The following PPP6R2 variants were observed in gnomAD, a reference collection of about 807,000 sequenced individuals.
PPP6R2 encodes protein phosphatase 6 regulatory subunit 2, also known as serine/threonine-protein phosphatase 6 regulatory subunit 2.
A neutral mutation model predicts 100.2 loss-of-function variants in PPP6R2; 62 were observed. That is an observed-to-expected ratio of 0.62 (90% confidence interval 0.50 to 0.76). The LOEUF is 0.76. Among genes scored for constraint, PPP6R2 ranks in the 30% least tolerant of loss-of-function variants. The pLI is 0.00. For synonymous variants in PPP6R2, 525 were observed against 514.7 expected (o/e 1.02, Z -0.27); for missense variants, 1,142 against 1,276.3 (o/e 0.89, Z 1.60).
intron 1 of PPP6R2, among the ~76,000 whole-genome samples, chr22:50,346,989 C>T (rs2043923529): frequency 1.3e-5 from 2 of 151,368 alleles, no homozygotes. Context: ...AATGTCCCCA[C>T]CTGTCATTGA....
the PPP6R2 span, among the ~76,000 whole-genome samples, chr22:50,332,882 C>CG: frequency 4.6e-5 from 7 of 151,900 alleles, no homozygotes; most frequent in Admixed American, 4.6e-4. Context: ...TCTGCCTCCC[C>CG]ATGGGCTGGG....
intron 2 of PPP6R2, among the ~76,000 whole-genome samples, chr22:50,378,592 A>G (rs1326306104): frequency 6.6e-6 from 1 of 152,036 alleles, no homozygotes; most frequent in Non-Finnish European, 1.5e-5. Context: ...GAAAAAAAAA[A>G]ATTATCTACT....
intron 1 of PPP6R2, among the ~76,000 whole-genome samples, chr22:50,349,143 C>T (rs939288166): frequency 2.8e-5 from 4 of 145,354 alleles, no homozygotes; most frequent in Non-Finnish European, 4.5e-5. Flanking sequence ...TGCAGTGTGC[C>T]GAGATTGTGC....
chr22:50,336,537 A>G, the PPP6R2 span, among the ~76,000 whole-genome samples: 1 of 152,094 alleles, frequency 6.6e-6, no homozygotes, highest in South Asian at 2.1e-4. Context: ...CACCATGCCC[A>G]GCTAATTTTT....
intron 4 of PPP6R2, among the ~76,000 whole-genome samples, chr22:50,413,187 G>A (rs2060016968): frequency 6.7e-6 from 1 of 148,568 alleles, no homozygotes; most frequent in African/African-American, 2.5e-5. Context: ...CCTCAGTCTG[G>A]TCTGACCTCA....
chr22:50,430,768 G>A (rs1276120355), intron 10 of PPP6R2, among the ~76,000 whole-genome samples: 2 of 151,924 alleles, frequency 1.3e-5, no homozygotes, highest in Non-Finnish European at 2.9e-5. Context: ...CAGCTACCAG[G>A]GAGGCTGAGG....
chr22:50,443,702 G>A, intron 22 of PPP6R2, 164 bp from the exon 23 acceptor site: 1 of 988,750 alleles, frequency 1.0e-6, no homozygotes, highest in Non-Finnish European at 1.4e-6. Context: ...GAGCTGCCTA[G>A]CTGGGCACAA....
At position 50,436,892 on chromosome 22, in the gene PPP6R2, G is replaced by A. The variant is rs577534455; in HGVS notation, c.1603-96G>A. 2.1e-5 allele frequency: 21 copies of A among 980,144 alleles called. No homozygotes were observed. In the South Asian group the frequency reaches 2.9e-4, roughly 14 times the overall value. The allele number at this position is 980,144 out of a possible 1,614,324, so 60.7% of individuals were successfully genotyped here. On this transcript the variant is annotated intron_variant, in intron 14 of 23. Coordinates refer to ENST00000612753, the MANE Select transcript of PPP6R2 (RefSeq NM_001242898.2). ...GAGTGATGTGCTGGGTGGGGTCTGG[G>A]AGCCCTGGGCTGGGCATGGTCCTGG...
In PPP6R2 at chr22:50,435,009, C is replaced by A; in HGVS notation, c.1444C>A (p.Arg482=). 1.2e-6 allele frequency: 2 copies of A among 1,605,270 alleles called. No individual in the cohort carries two copies. The highest frequency in any genetic ancestry group is 1.1e-5 in the South Asian group (1 of 90,624). Residue 482 remains arginine (R), a synonymous_variant, in exon 13 of 24, where the codon CGG becomes AGG. Coordinates refer to ENST00000612753, the MANE Select transcript of PPP6R2 (RefSeq NM_001242898.2). ...MRRGNMGHLT[R]IANAVVQNLE... ...ACGTGGGAACATGGGCCACCTCACA[C>A]GGATCGCCAACGCGGTGGTGCAGAA... is the stretch of plus-strand genomic sequence containing the variant.
chr22:50,337,107 AGAGTGT>A, the PPP6R2 span, among the ~76,000 whole-genome samples: 2 of 103,760 alleles, frequency 1.9e-5, no homozygotes, highest in East Asian at 3.4e-4. Flanking sequence ...GGTGATGAAG[AGAGTGT>A]GTGTGTGTGT....
intron 10 of PPP6R2, among the ~76,000 whole-genome samples, chr22:50,428,649 C>A (rs552862468): frequency 1.2e-4 from 18 of 151,854 alleles, no homozygotes; most frequent in African/African-American, 4.4e-4. Flanking sequence ...TCTGGGAGGT[C>A]AGGGCTGCAG....
At chr22:50,334,693 C>T in the PPP6R2 span, among the ~76,000 whole-genome samples, 2 of 152,008 alleles carry the variant, frequency 1.3e-5, no homozygotes, top group African/African-American at 4.8e-5. Context: ...AAGCCAGGTG[C>T]GGTGGCTCAC....
chr22:50,426,909 C>T (rs5770813), intron 10 of PPP6R2, among the ~76,000 whole-genome samples: 56,841 of 150,086 alleles, frequency 0.38, 11,140 homozygotes, highest in East Asian at 0.67. Flanking sequence ...AGCTGGCCGG[C>T]CGGGCGCAGT....
At chr22:50,338,387 CTG>C (rs895177562), upstream of PPP6R2, among the ~76,000 whole-genome samples, 1 of 91,866 alleles carries the variant, frequency 1.1e-5, no homozygotes, top group African/African-American at 4.8e-5. Context: ...TATATAGTGT[CTG>C]TGGTATGTGG....
intron 3 of PPP6R2, among the ~76,000 whole-genome samples, chr22:50,403,936 C>T (rs925570211): frequency 1.3e-5 from 2 of 152,124 alleles, no homozygotes; most frequent in East Asian, 1.9e-4. Flanking sequence ...CAGCCGGTCG[C>T]GTGGACCACC....
chr22:50,438,675 T>G lies in PPP6R2; in HGVS notation c.2041T>G (p.Leu681Val). The change falls in exon 19 of 24, where the codon TTG (leucine) becomes GTG (valine). Residue 681 changes from leucine (L) to valine (V), a missense_variant. Leu to Val is a conservative substitution (Grantham distance 32). Around this residue, in one of 2 missense-constraint regions of PPP6R2, gnomAD observed 550 missense variants for 517.4 expected, o/e 1.06. Transcript: ENST00000612753. ...ERGGQDGKAS[L>V]EAHRDAPGAG... ...TGGAGGCCAGGATGGGAAGGCGAGC[T>G]TGGAAGCACACAGAGATGCACCTGG... The G allele has an allele frequency of 6.2e-7, 1 of 1,613,800 alleles. No homozygotes were observed. Among genetic ancestry groups the G allele is most frequent in the East Asian group, 2.2e-5 (1 of 44,842 alleles).
chr22:50,394,299 T>C (rs2056269508), intron 3 of PPP6R2, among the ~76,000 whole-genome samples, 164 bp downstream of exon 3: 1 of 152,022 alleles, frequency 6.6e-6, no homozygotes, highest in Non-Finnish European at 1.5e-5. Context: ...GGGTCTGAGG[T>C]TGAAGAGTTT....
chr22:50,386,325 G>C (rs1016175649), intron 2 of PPP6R2, among the ~76,000 whole-genome samples: 9 of 151,610 alleles, frequency 5.9e-5, no homozygotes, highest in African/African-American at 2.2e-4. Flanking sequence ...ATTTTTAGTA[G>C]AGATGGGGTT....
At position 50,419,474 on chromosome 22, in the gene PPP6R2, G is replaced by A. The variant is rs779477179; in HGVS notation, c.845+12G>A. 1.6e-5 allele frequency: 25 copies of A among 1,595,906 alleles called. No individual in the cohort carries two copies. The highest frequency in any genetic ancestry group is 3.3e-5 in the South Asian group (3 of 90,566). On this transcript the variant is annotated intron_variant, in intron 8 of 23. Transcript: ENST00000612753. Reference sequence around the variant, plus strand: ...ACCAGGCGGGTTGGGTGAGTCTCACGAGGAGAAATCGTGTAGAGCTGAACT... The same window carrying A: ...ACCAGGCGGGTTGGGTGAGTCTCACAAGGAGAAATCGTGTAGAGCTGAACT...
Sources: allele counts gnomAD v4.1 joint callset (sites outside exome capture counted in the v4.1 genomes callset), GRCh38; gene constraint gnomAD v4.1.1; regional missense constraint gnomAD v4.1.1; transcripts MANE v1.5; gene names NCBI Gene and HGNC (gene_info 2026-07-23, HGNC 2026-07-21).